JAG1: variants seen among roughly 807,000 people sequenced by gnomAD.
JAG1 encodes the protein jagged canonical Notch ligand 1, also known as protein jagged-1.
Under a neutral mutation model 148.7 loss-of-function variants are expected in JAG1, and 23 were observed. The ratio of observed to expected loss-of-function variants is 0.15; its 90% CI spans 0.11 to 0.22. JAG1 has a LOEUF of 0.22. Ranked by LOEUF, JAG1 falls within the 10% of genes least tolerant of loss-of-function variation. JAG1 has a pLI of 1.00. For synonymous variants in JAG1, 572 were observed against 598.3 expected (o/e 0.96, Z 0.64); for missense variants, 1,054 against 1,611.2 (o/e 0.65, Z 5.92).
In JAG1 at chr20:10,641,566, C is replaced by T. The variant is rs145895196; in HGVS notation, c.2810G>A (p.Arg937Gln). The change falls in exon 23 of 26, where the codon CGG becomes CAG. Residue 937 changes from arginine (R) to glutamine (Q), a missense_variant. Arg to Gln is a conservative substitution (Grantham distance 43, BLOSUM62 1). Coordinates refer to ENST00000254958, the MANE Select transcript of JAG1 (RefSeq NM_000214.3). ...VHPCTGVGEC[R>Q]SSSLQPVKTK... ...CTTCACCGGCTGGAGACTGGAAGAC[C>T]GACACTCGCCCACACCAGTGCAGGG... The T allele has an allele frequency of 2.2e-3, 3,513 of 1,614,150 alleles. 7 individuals carry two copies. Among genetic ancestry groups the T allele is most frequent in the South Asian group, 3.4e-3 (308 of 91,074 alleles).
In JAG1 at chr20:10,648,600, G is replaced by C; in HGVS notation, c.1518C>G (p.Ile506Met). Residue 506 changes from isoleucine (I) to methionine (M), a missense_variant, in exon 12 of 26, where the codon ATC (isoleucine) becomes ATG (methionine). Ile to Met is a conservative substitution (Grantham distance 10, BLOSUM62 1). Coordinates refer to ENST00000254958, the MANE Select transcript of JAG1 (RefSeq NM_000214.3). ...TGGGACACAGACACTGGAATCTGTTGATTTCATTCTGACAGTGACCCCCAT... is the reference window on the plus strand; with the variant it reads ...TGGGACACAGACACTGGAATCTGTTCATTTCATTCTGACAGTGACCCCCAT... ...CLNGGHCQNEINRFQCLCPTG... is the reference protein window; with the variant it reads ...CLNGGHCQNEMNRFQCLCPTG... 1 of 1,614,108 alleles carries C rather than the reference G, an allele frequency of 6.2e-7. No homozygotes were observed. Among genetic ancestry groups the C allele is most frequent in the Non-Finnish European group, 8.5e-7 (1 of 1,180,024 alleles).
rs779194971 is a variant in JAG1 at position 10,639,427 on chromosome 20, A to C, written c.*71T>G. ...TAAGTCAGCAACGGCCTCAGACTCG[A>C]GTATGACACGACAGTTTAAAGAACT... On this transcript the variant is annotated 3_prime_UTR_variant, in exon 26 of 26. Coordinates refer to ENST00000254958, the MANE Select transcript of JAG1 (RefSeq NM_000214.3). 50 of 1,360,726 alleles carry C rather than the reference A, an allele frequency of 3.7e-5. No homozygotes were observed. Among genetic ancestry groups the C allele is most frequent in the Non-Finnish European group, 4.6e-5 (44 of 948,932 alleles). The allele number at this position is 1,360,726 out of a possible 1,614,324, so 84.3% of individuals were successfully genotyped here. A position where few individuals can be genotyped will look rare whatever the true frequency, so the allele number is the denominator to read the frequency against.
At chr20:10,642,368 T>C in intron 21 of JAG1, 120 bp downstream of exon 21, 1 of 694,908 alleles carries the variant, frequency 1.4e-6, no homozygotes, top group Non-Finnish European at 2.6e-6. Flanking sequence ...CTTTCCCTTG[T>C]AGTCCCACTG....
At chr20:10,668,471 T>C (rs963222768) in intron 2 of JAG1, among the ~76,000 whole-genome samples, 2 of 152,212 alleles carry the variant, frequency 1.3e-5, no homozygotes, top group African/African-American at 4.8e-5. Flanking sequence ...TTTGCATTTA[T>C]GGATTACAAC....
chr20:10,670,715 G>T (rs147736648), intron 2 of JAG1, among the ~76,000 whole-genome samples: 1 of 152,152 alleles, frequency 6.6e-6, no homozygotes, highest in Non-Finnish European at 1.5e-5. Context: ...TGATACATGC[G>T]TTTGTCCCAA....
chr20:10,652,142 T>A lies in JAG1; in HGVS notation c.995A>T (p.Asn332Ile). The A allele has an allele frequency of 6.2e-7, 1 of 1,614,070 alleles. No homozygotes were observed. Among genetic ancestry groups the A allele is most frequent in the Non-Finnish European group, 8.5e-7 (1 of 1,179,910 alleles). Residue 332 changes from asparagine to isoleucine, a missense_variant, in exon 7 of 26, where the codon AAC becomes ATC. By Grantham distance (149) the Asn-to-Ile change is moderately radical. This residue lies in a region of JAG1 where 245 missense variants were observed against 373.1 expected (regional missense o/e 0.66). Transcript: ENST00000254958. ...CSCPEGYSGPNCEIAEHACLS... is the reference protein window; with the variant it reads ...CSCPEGYSGPICEIAEHACLS... Reference sequence around the variant, plus strand: ...CTTGGACCACTTACCAATTTCACAGTTGGGTCCTGAATACCCCTCAGGGCA... The same window carrying A: ...CTTGGACCACTTACCAATTTCACAGATGGGTCCTGAATACCCCTCAGGGCA...
Position 10,644,401 on chromosome 20 carries a change from A to T in JAG1, c.2345-17T>A, listed in dbSNP as rs758689593. ...CATTGGTATCTGCAAAGAAAAGACA[A>T]CTTAATAGTGAGGACTTCAACAGGG... On this transcript the variant is annotated splice_polypyrimidine_tract_variant and intron_variant, in intron 18 of 25. Coordinates refer to ENST00000254958, the MANE Select transcript of JAG1 (RefSeq NM_000214.3). The T allele has an allele frequency of 4.3e-6, 7 of 1,610,078 alleles. No individual in the cohort carries two copies. The East Asian group carries it at 1.6e-4, about 36-fold the overall frequency.
At chr20:10,646,160 A>G (rs921816546) in intron 14 of JAG1, 76 bp from the exon 15 acceptor site, 1 of 1,039,950 alleles carries the variant, frequency 9.6e-7, no homozygotes, top group Non-Finnish European at 1.5e-6. Flanking sequence ...AGCAGTTTTC[A>G]TGGCTCCCTC....
In JAG1 at chr20:10,640,933, A is replaced by C. The variant is rs755202640; in HGVS notation, c.3049T>G (p.Ser1017Ala). ...SANNEIHVAI[S>A]AEDIRDDGNP... ...CCATCATCCCGTATATCTTCAGCAG[A>C]CTGGAAAAACAATTGTCAGACTTGA... The change falls in exon 25 of 26, where the codon TCT becomes GCT. Residue 1017 changes from serine (S) to alanine (A), a missense_variant and splice_region_variant. By Grantham distance (99) the Ser-to-Ala change is moderately conservative (BLOSUM62 1). Coordinates refer to ENST00000254958, the MANE Select transcript of JAG1 (RefSeq NM_000214.3). 1 of 1,614,146 alleles carries C rather than the reference A, an allele frequency of 6.2e-7. No individual in the cohort carries two copies. The highest frequency in any genetic ancestry group is 1.1e-5 in the South Asian group (1 of 91,082).
At chr20:10,661,554 C>T (rs1007943311) in intron 3 of JAG1, among the ~76,000 whole-genome samples, 14 of 152,202 alleles carry the variant, frequency 9.2e-5, no homozygotes, top group East Asian at 7.7e-4. Flanking sequence ...ATGGACAACA[C>T]GGTGTGTAAG....
At chr20:10,657,701 G>A (rs1474324936) in intron 4 of JAG1, among the ~76,000 whole-genome samples, 1 of 152,150 alleles carries the variant, frequency 6.6e-6, no homozygotes, top group Non-Finnish European at 1.5e-5. Context: ...GCTATGAATT[G>A]GAATCACTGA....
At position 10,639,470 on chromosome 20, in the gene JAG1, A is replaced by C; in HGVS notation, c.*28T>G. On this transcript the variant is annotated 3_prime_UTR_variant, in exon 26 of 26. Coordinates refer to ENST00000254958, the MANE Select transcript of JAG1 (RefSeq NM_000214.3). ...AAAGAACTACAAGCCCTCAGACTCT[A>C]CCTAGCGGCGGCAGTGCCCGCGGTC... The C allele has an allele frequency of 6.3e-7, 1 of 1,588,556 alleles. No homozygotes were observed. Among genetic ancestry groups the C allele is most frequent in the Admixed American group, 1.7e-5 (1 of 60,008 alleles).
At chr20:10,665,416 AG>A (rs1196140622) in intron 2 of JAG1, among the ~76,000 whole-genome samples, 1 of 152,250 alleles carries the variant, frequency 6.6e-6, no homozygotes, top group Non-Finnish European at 1.5e-5. Context: ...CGGGCAAGCC[AG>A]GGCACATACC....
chr20:10,657,036 G>A (rs1191251226), intron 4 of JAG1, among the ~76,000 whole-genome samples: 1 of 151,848 alleles, frequency 6.6e-6, no homozygotes, highest in African/African-American at 2.4e-5. Flanking sequence ...TCTCTACTTC[G>A]TTTAAAAAAA....
At chr20:10,671,373 A>G (rs2067493693) in intron 2 of JAG1, among the ~76,000 whole-genome samples, 1 of 152,210 alleles carries the variant, frequency 6.6e-6, no homozygotes, top group Non-Finnish European at 1.5e-5. Flanking sequence ...TTCTTTTTAT[A>G]AACCCCTTTT....
rs766175401 is a variant in JAG1 at position 10,644,383 on chromosome 20, A to T, written c.2346T>A (p.Asn782Lys). ...AGGGATGAGGGCTGCAGTCATTGGTATCTGCAAAGAAAAGACAACTTAATA... is the reference window on the plus strand; with the variant it reads ...AGGGATGAGGGCTGCAGTCATTGGTTTCTGCAAAGAAAAGACAACTTAATA... ...EGWEGPICAQ[N>K]TNDCSPHPCY... The change falls in exon 19 of 26, where the codon AAT becomes AAA. Residue 782 changes from asparagine (N) to lysine (K), a missense_variant and splice_region_variant. Coordinates refer to ENST00000254958, the MANE Select transcript of JAG1 (RefSeq NM_000214.3). The T allele has an allele frequency of 6.2e-7, 1 of 1,613,126 alleles. No individual in the cohort carries two copies. Among genetic ancestry groups the T allele is most frequent in the East Asian group, 2.2e-5 (1 of 44,866 alleles).
At chr20:10,659,013 C>T (rs2067396521) in intron 3 of JAG1, among the ~76,000 whole-genome samples, 1 of 152,162 alleles carries the variant, frequency 6.6e-6, no homozygotes, top group African/African-American at 2.4e-5. Context: ...TTAAACAAAG[C>T]CACAGTGAGC....
At chr20:10,667,219 G>A (rs1263213268) in intron 2 of JAG1, among the ~76,000 whole-genome samples, 4 of 152,154 alleles carry the variant, frequency 2.6e-5, no homozygotes, top group South Asian at 2.1e-4. Context: ...AGGCTGCTGC[G>A]ACAGGCAGGC....
Position 10,673,748 on chromosome 20 carries a change from A to G in JAG1, c.-218T>C, listed in dbSNP as rs2067515632. The G allele has an allele frequency of 4.0e-6, 1 of 247,070 alleles. No individual in the cohort carries two copies. Among genetic ancestry groups the G allele is most frequent in the Non-Finnish European group, 7.6e-6 (1 of 131,736 alleles). 15.3% of individuals were successfully genotyped at this position (247,070 alleles called of 1,614,324 possible). A position where few individuals can be genotyped will look rare whatever the true frequency, so the allele number is the denominator to read the frequency against. On this transcript the variant is annotated 5_prime_UTR_variant, in exon 1 of 26. Transcript: ENST00000254958. The surrounding 1 kb of genome is among the most constrained non-coding windows in gnomAD (Gnocchi z 4.7). ...AAGGCAAAGAGCCCGGCCTCCTTTT[A>G]TTATTCTGATCGCTTCTTTGAGACG...
Sources: allele counts gnomAD v4.1 joint callset (sites outside exome capture counted in the v4.1 genomes callset), GRCh38; gene constraint gnomAD v4.1.1; regional missense constraint gnomAD v4.1.1; non-coding constraint Gnocchi (gnomAD v3.1); transcripts MANE v1.5; gene names NCBI Gene and HGNC (gene_info 2026-07-23, HGNC 2026-07-21).